The following FAXDC2 variants were observed in gnomAD, a reference collection of about 807,000 sequenced individuals.
FAXDC2 encodes the protein fatty acid hydroxylase domain-containing protein 2.
Under a neutral mutation model 40.9 loss-of-function variants are expected in FAXDC2, and 41 were observed. That is an observed-to-expected ratio of 1.00 (90% confidence interval 0.78 to 1.30). FAXDC2 has a LOEUF of 1.30. FAXDC2 is among the 50% of genes most tolerant of loss of function. The pLI is 0.00. For synonymous variants in FAXDC2, 157 were observed against 149.3 expected (o/e 1.05, Z -0.38); for missense variants, 390 against 408.8 (o/e 0.95, Z 0.40).
chr5:154,823,294 G>C, intron 6 of FAXDC2, 93 bp downstream of exon 6: 5 of 1,178,344 alleles, frequency 4.2e-6, no homozygotes, highest in African/African-American at 1.5e-5. Flanking sequence ...GATTACAAGC[G>C]TGAGTCACTG....
chr5:154,837,134 G>T (rs532567393), intron 2 of FAXDC2, among the ~76,000 whole-genome samples: 22 of 152,226 alleles, frequency 1.4e-4, no homozygotes, highest in Non-Finnish European at 2.4e-4. Context: ...TTCATGGGCA[G>T]GGATGTTTTT....
intron 1 of FAXDC2, among the ~76,000 whole-genome samples, chr5:154,848,046 A>G (rs1023825989): frequency 3.6e-4 from 54 of 152,034 alleles, no homozygotes; most frequent in African/African-American, 1.1e-3. Context: ...TCACCATGTT[A>G]GCCAGGATGG....
At chr5:154,843,213 C>T (rs1221757288) in intron 1 of FAXDC2, among the ~76,000 whole-genome samples, 1 of 152,180 alleles carries the variant, frequency 6.6e-6, no homozygotes, top group Non-Finnish European at 1.5e-5. Flanking sequence ...TTCAAGCTTA[C>T]AGAGCTCTTT....
At position 154,827,492 on chromosome 5, in the gene FAXDC2, T is replaced by C. The variant is rs140900826; in HGVS notation, c.366+3309A>G. ...GTTTTTTTGTGAGAGAGGATCTCAC[T>C]CTGTCACCCAGGCTGGAGTGCACTC... On this transcript the variant is annotated intron_variant, in intron 5 of 8. Transcript: ENST00000326080. Among the ~76,000 whole-genome samples, 714 of 150,744 alleles carry C rather than the reference T, an allele frequency of 4.7e-3. 4 individuals carry two copies. The highest frequency in any genetic ancestry group is 8.2e-3 in the Non-Finnish European group (552 of 67,672).
intron 1 of FAXDC2, among the ~76,000 whole-genome samples, chr5:154,840,579 AGT>A (rs1325141433): frequency 1.3e-5 from 2 of 151,586 alleles, no homozygotes; most frequent in Admixed American, 1.3e-4. Context: ...CCCAGGCTGG[AGT>A]GTAGCAGCAT....
chr5:154,841,799 G>A (rs1272399584), intron 1 of FAXDC2, among the ~76,000 whole-genome samples: 2 of 150,666 alleles, frequency 1.3e-5, no homozygotes, highest in African/African-American at 2.5e-5. Context: ...GCAGTGGCAC[G>A]ATCTCAGCTC....
intron 5 of FAXDC2, 116 bp downstream of exon 5, chr5:154,830,685 G>T: frequency 8.3e-7 from 1 of 1,199,408 alleles, no homozygotes; most frequent in Non-Finnish European, 1.2e-6. Context: ...GAGCCTTGTT[G>T]CTAATAACTT....
Position 154,850,523 on chromosome 5 carries a change from C to G in FAXDC2, c.-41G>C, listed in dbSNP as rs1760704001. ...TGTCCAAGCTGCTGAGGTCCTTGCA[C>G]AGGTCAAATCTAAGTTCTCTTCCCT... On this transcript the variant is annotated 5_prime_UTR_variant, in exon 1 of 9. Coordinates refer to ENST00000326080, the MANE Select transcript of FAXDC2 (RefSeq NM_032385.5). 6.6e-6 allele frequency: 1 copy of G among 152,288 alleles called. No homozygotes were observed. The highest frequency in any genetic ancestry group is 1.5e-5 in the Non-Finnish European group (1 of 68,118). 9.4% of individuals were successfully genotyped at this position (152,288 alleles called of 1,614,324 possible). A position where few individuals can be genotyped will look rare whatever the true frequency, so the allele number is the denominator to read the frequency against.
intron 2 of FAXDC2, among the ~76,000 whole-genome samples, chr5:154,836,926 C>A (rs544301740): frequency 6.6e-6 from 1 of 152,294 alleles, no homozygotes; most frequent in African/African-American, 2.4e-5. Flanking sequence ...CTGCCTGTCT[C>A]AGCATCCCAA....
intron 5 of FAXDC2, among the ~76,000 whole-genome samples, chr5:154,826,124 A>G (rs935550712): frequency 6.6e-6 from 1 of 152,058 alleles, no homozygotes; most frequent in African/African-American, 2.4e-5. Context: ...TAACTGGGGG[A>G]ATGAATATAG....
Position 154,834,953 on chromosome 5 carries a change from G to A in FAXDC2, c.49-19C>T, listed in dbSNP as rs1047816489. ...GTCCCTCCTGGAGGAGGGCAGGGAA[G>A]TGTCAGACCCCAGCAAGCCTCCTGC... On this transcript the variant is annotated intron_variant, in intron 2 of 8. Coordinates refer to ENST00000326080, the MANE Select transcript of FAXDC2 (RefSeq NM_032385.5). The A allele has an allele frequency of 6.6e-7, 1 of 1,512,894 alleles. No homozygotes were observed. Among genetic ancestry groups the A allele is most frequent in the African/African-American group, 1.4e-5 (1 of 72,894 alleles). 93.7% of individuals were successfully genotyped at this position (1,512,894 alleles called of 1,614,324 possible).
chr5:154,846,819 A>G (rs1582543459), intron 1 of FAXDC2, among the ~76,000 whole-genome samples: 1 of 151,984 alleles, frequency 6.6e-6, no homozygotes, highest in African/African-American at 2.4e-5. Flanking sequence ...CTGGAGTGCA[A>G]TGACCCAATC....
chr5:154,821,330 T>C lies in FAXDC2; in HGVS notation c.775A>G (p.Thr259Ala). ...MWFSLALIITTISHCGYHLPF... is the reference protein window; with the variant it reads ...MWFSLALIITAISHCGYHLPF... ...AGGTGGTAGCCACAGTGGGAGATGG[T>C]GGTGATGATGAGGGCCAAGGAAAAC... Residue 259 changes from threonine to alanine, a missense_variant, in exon 8 of 9, where the codon ACC (threonine) becomes GCC (alanine). Transcript: ENST00000326080. 6.2e-7 allele frequency: 1 copy of C among 1,610,178 alleles called. No homozygotes were observed. The highest frequency in any genetic ancestry group is 8.5e-7 in the Non-Finnish European group (1 of 1,178,608).
At chr5:154,849,485 GC>G (rs1394083951) in intron 1 of FAXDC2, among the ~76,000 whole-genome samples, 1 of 152,008 alleles carries the variant, frequency 6.6e-6, no homozygotes, top group Non-Finnish European at 1.5e-5. Flanking sequence ...ACAGAATCAA[GC>G]CCAAGCCTGG....
At chr5:154,837,705 A>G (rs1161568828) in intron 2 of FAXDC2, among the ~76,000 whole-genome samples, 1 of 152,168 alleles carries the variant, frequency 6.6e-6, no homozygotes, top group Non-Finnish European at 1.5e-5. Context: ...AACAGGACAA[A>G]GGTCCTCTGT....
At chr5:154,824,291 T>C (rs1759965702) in intron 5 of FAXDC2, 2 of 590,612 alleles carry the variant, frequency 3.4e-6, no homozygotes, top group Non-Finnish European at 6.0e-6. Context: ...CCCTTCCCTT[T>C]GTCAGAGCAC....
chr5:154,843,192 T>C (rs1184585918), intron 1 of FAXDC2, among the ~76,000 whole-genome samples: 4 of 152,208 alleles, frequency 2.6e-5, no homozygotes, highest in Non-Finnish European at 4.4e-5. Flanking sequence ...TTGGGGTTTG[T>C]TTGTTTGCTT....
At chr5:154,820,519 G>T (rs775280103) in intron 8 of FAXDC2, 47 bp from the exon 9 acceptor site, 6 of 1,501,890 alleles carry the variant, frequency 4.0e-6, no homozygotes, top group Non-Finnish European at 5.4e-6. Context: ...GGAGGCTTCC[G>T]TGCAGATCCC....
At chr5:154,837,583 A>G (rs969169337) in intron 2 of FAXDC2, among the ~76,000 whole-genome samples, 1 of 151,874 alleles carries the variant, frequency 6.6e-6, no homozygotes, top group Non-Finnish European at 1.5e-5. Flanking sequence ...TCTGAGTTTG[A>G]TCAAACCAAA....
Sources: gnomAD v4.1 joint callset for allele counts (sites outside exome capture counted in the v4.1 genomes callset) on GRCh38, gnomAD v4.1.1 for gene constraint, MANE v1.5 for transcripts, NCBI Gene and HGNC (gene_info 2026-07-23, HGNC 2026-07-21) for gene names.